Variants in HIVEP3 observed in about 807,000 individuals in gnomAD.
HIVEP3 encodes the protein transcription factor HIVEP3.
In HIVEP3, 49 loss-of-function variants were observed where a neutral mutation model predicts 152.8. That is an observed-to-expected ratio of 0.32 (90% confidence interval 0.26 to 0.41). The LOEUF (loss-of-function observed/expected upper bound fraction) is 0.41, where lower values mean the gene tolerates loss of function less well. HIVEP3 is among the 10% of genes least tolerant of loss of function. The pLI is 1.00. For missense variants in HIVEP3, 2,790 were observed against 3,103.3 expected (o/e 0.90, Z 2.40); for synonymous variants, 1,269 against 1,289.0 (o/e 0.98, Z 0.33).
chr1:41,902,819 C>T (rs1419779264), intron 1 of HIVEP3, among the ~76,000 whole-genome samples: 3 of 152,182 alleles, frequency 2.0e-5, no homozygotes, highest in African/African-American at 4.8e-5. Flanking sequence ...CATTTAGAAT[C>T]GTTTCAGTTT....
intron 5 of HIVEP3, among the ~76,000 whole-genome samples, chr1:41,564,920 C>T (rs1417067011): frequency 1.3e-5 from 2 of 152,128 alleles, no homozygotes; most frequent in African/African-American, 2.4e-5. Context: ...GAGTGCACCA[C>T]CATGGAGAGG....
At chr1:41,564,029 T>G (rs1411598212) in intron 5 of HIVEP3, among the ~76,000 whole-genome samples, 1 of 152,042 alleles carries the variant, frequency 6.6e-6, no homozygotes, top group Non-Finnish European at 1.5e-5. Flanking sequence ...CTGTCTCTAC[T>G]CAAAATACAA....
At chr1:41,852,046 T>G (rs1214029966) in intron 1 of HIVEP3, among the ~76,000 whole-genome samples, 4 of 152,214 alleles carry the variant, frequency 2.6e-5, no homozygotes, top group Non-Finnish European at 5.9e-5. Context: ...CTGTAAATAG[T>G]AAAATAATAT....
At chr1:41,924,362 C>A (rs1644957198) in intron 1 of HIVEP3, among the ~76,000 whole-genome samples, 1 of 152,080 alleles carries the variant, frequency 6.6e-6, no homozygotes, top group Admixed American at 6.5e-5. Flanking sequence ...AGTTTGTGGT[C>A]ATTTGTTATG....
At chr1:41,578,446 A>G (rs1380908254) in intron 4 of HIVEP3, among the ~76,000 whole-genome samples, 5 of 152,264 alleles carry the variant, frequency 3.3e-5, no homozygotes, top group Non-Finnish European at 7.3e-5. Context: ...TTCTGTGAAG[A>G]ACATCCAGTC....
At chr1:41,686,534 T>G (rs1031327630) in intron 2 of HIVEP3, among the ~76,000 whole-genome samples, 1 of 152,242 alleles carries the variant, frequency 6.6e-6, no homozygotes, top group Non-Finnish European at 1.5e-5. Flanking sequence ...TTGATGAGTT[T>G]ACATGCCTGA....
chr1:41,580,434 GCCT>G lies in HIVEP3; in HGVS notation c.4361_4363del (p.Glu1454del), dbSNP rs538994424. 246 of 1,614,174 alleles carry G rather than the reference GCCT, an allele frequency of 1.5e-4. 1 individual carries two copies. In the African/African-American group the frequency reaches 2.4e-3, roughly 16 times the overall value. ...CTCAAGTTTTTCATCTGCCTTGGAA[GCCT>G]CCTCCTCCTTCACTCTTTTTTGCTG... On this transcript the variant is annotated inframe_deletion, in exon 4 of 9. Coordinates refer to ENST00000372583, the MANE Select transcript of HIVEP3 (RefSeq NM_024503.5).
At chr1:41,627,316 A>G (rs1337829118) in intron 3 of HIVEP3, among the ~76,000 whole-genome samples, 1 of 152,218 alleles carries the variant, frequency 6.6e-6, no homozygotes, top group Non-Finnish European at 1.5e-5. Flanking sequence ...GCAGAGTTGG[A>G]GCAATTTGCC....
intron 1 of HIVEP3, among the ~76,000 whole-genome samples, chr1:41,704,137 G>T (rs1231798157): frequency 1.3e-5 from 2 of 152,158 alleles, no homozygotes; most frequent in Admixed American, 1.3e-4. Context: ...TCCTGCACCT[G>T]GGCCCAGTCC....
At chr1:41,650,419 A>C (rs1160978212) in intron 2 of HIVEP3, among the ~76,000 whole-genome samples, 1 of 152,190 alleles carries the variant, frequency 6.6e-6, no homozygotes, top group Admixed American at 6.5e-5. Context: ...GGCTAGAAGC[A>C]TTTCCTGGGC....
At chr1:41,611,971 G>C (rs941720415) in intron 3 of HIVEP3, among the ~76,000 whole-genome samples, 1 of 152,044 alleles carries the variant, frequency 6.6e-6, no homozygotes, top group Non-Finnish European at 1.5e-5. Flanking sequence ...CGCCCTTCTT[G>C]ATGGCCCAGG....
At chr1:41,771,785 C>G (rs887626433) in intron 1 of HIVEP3, among the ~76,000 whole-genome samples, 54 of 152,284 alleles carry the variant, frequency 3.5e-4, no homozygotes, top group African/African-American at 9.1e-4. Context: ...TCTCCTCAGT[C>G]TCCCAAGTAG....
At chr1:41,872,126 T>C (rs1644091477) in intron 1 of HIVEP3, among the ~76,000 whole-genome samples, 1 of 152,206 alleles carries the variant, frequency 6.6e-6, no homozygotes, top group African/African-American at 2.4e-5. Flanking sequence ...TTCAGCCGAA[T>C]TAAATTTAAA....
intron 3 of HIVEP3, among the ~76,000 whole-genome samples, chr1:41,589,364 C>T (rs1287547087): frequency 6.6e-6 from 1 of 152,246 alleles, no homozygotes; most frequent in Non-Finnish European, 1.5e-5. Context: ...CTTCAAGAAG[C>T]TTCCTTTGGT....
intron 3 of HIVEP3, among the ~76,000 whole-genome samples, chr1:41,611,044 T>C (rs369846974): frequency 1.1e-4 from 16 of 152,282 alleles, no homozygotes; most frequent in African/African-American, 3.8e-4. Context: ...AATCCCACAC[T>C]GTGAGAAAGA....
At chr1:41,598,785 C>T (rs996663267) in intron 3 of HIVEP3, among the ~76,000 whole-genome samples, 1 of 146,190 alleles carries the variant, frequency 6.8e-6, no homozygotes, top group Non-Finnish European at 1.5e-5. Context: ...AAACATACTC[C>T]CACACATACA....
intron 3 of HIVEP3, among the ~76,000 whole-genome samples, chr1:41,588,723 G>C (rs1644542311): frequency 6.6e-6 from 1 of 152,190 alleles, no homozygotes; most frequent in African/African-American, 2.4e-5. Flanking sequence ...GGCTGCCAGG[G>C]CGCAGAGTGA....
At chr1:41,614,425 A>C (rs1045248232) in intron 3 of HIVEP3, among the ~76,000 whole-genome samples, 1 of 152,196 alleles carries the variant, frequency 6.6e-6, no homozygotes, top group African/African-American at 2.4e-5. Context: ...TGGCCATCCC[A>C]ACTGCTTTGC....
chr1:41,756,256 T>C (rs1306922398), intron 1 of HIVEP3, among the ~76,000 whole-genome samples: 1 of 152,162 alleles, frequency 6.6e-6, no homozygotes, highest in Non-Finnish European at 1.5e-5. Flanking sequence ...AAACCAGTGG[T>C]TGCCAACAGT....
Sources: gnomAD v4.1 joint callset for allele counts (sites outside exome capture counted in the v4.1 genomes callset) on GRCh38, gnomAD v4.1.1 for gene constraint, MANE v1.5 for transcripts, NCBI Gene and HGNC (gene_info 2026-07-23, HGNC 2026-07-21) for gene names.